PPARGC1A: variants seen among roughly 807,000 people sequenced by gnomAD.
The protein encoded by PPARGC1A is peroxisome proliferator-activated receptor gamma coactivator 1-alpha.
A neutral mutation model predicts 88.7 loss-of-function variants in PPARGC1A; 25 were observed. The observed-to-expected ratio is 0.28, with a 90% CI of 0.21 to 0.39. The LOEUF (loss-of-function observed/expected upper bound fraction) is 0.39, where lower values mean the gene tolerates loss of function less well. PPARGC1A is among the 10% of genes least tolerant of loss of function. The probability of loss-of-function intolerance (pLI) is 1.00; values close to 1 mark genes in which losing one functional copy is unlikely to be tolerated. For missense variants in PPARGC1A, 880 were observed against 968.7 expected, an observed-to-expected ratio of 0.91 and a Z score of 1.22; for synonymous variants, 363 against 355.6, an observed-to-expected ratio of 1.02 and a Z score of -0.24.
chr4:24,285,015 G>A, the PPARGC1A span, among the ~76,000 whole-genome samples: 168 of 151,528 alleles, frequency 1.1e-3, no homozygotes, highest in Middle Eastern at 3.4e-3. Flanking sequence ...GCAACAGGGC[G>A]AGACTGTCTC....
the PPARGC1A span, among the ~76,000 whole-genome samples, chr4:24,155,032 T>G: frequency 6.6e-6 from 1 of 151,984 alleles, no homozygotes; most frequent in Non-Finnish European, 1.5e-5. Context: ...GAGTCTGGGC[T>G]TTGCTCAGGG....
chr4:24,275,130 T>C, the PPARGC1A span, among the ~76,000 whole-genome samples: 1 of 152,372 alleles, frequency 6.6e-6, no homozygotes, highest in African/African-American at 2.4e-5. Flanking sequence ...GTTTCACATA[T>C]GGCCAATATC....
At chr4:24,437,407 G>A in the PPARGC1A span, among the ~76,000 whole-genome samples, 1 of 151,998 alleles carries the variant, frequency 6.6e-6, no homozygotes, top group Non-Finnish European at 1.5e-5. Flanking sequence ...GCTCAGTGCT[G>A]AGGGAACGGG....
the PPARGC1A span, among the ~76,000 whole-genome samples, chr4:24,090,245 T>A: frequency 6.6e-6 from 1 of 152,230 alleles, no homozygotes; most frequent in East Asian, 1.9e-4. Context: ...ACCCACCACA[T>A]GTCATCCTGA....
At chr4:24,131,102 T>A in the PPARGC1A span, among the ~76,000 whole-genome samples, 1 of 152,224 alleles carries the variant, frequency 6.6e-6, no homozygotes, top group African/African-American at 2.4e-5. Flanking sequence ...CTCTTTCTAC[T>A]GAACTGTTGG....
At chr4:24,286,703 T>C in the PPARGC1A span, among the ~76,000 whole-genome samples, 1 of 152,250 alleles carries the variant, frequency 6.6e-6, no homozygotes, top group Non-Finnish European at 1.5e-5. Context: ...TAGTTGTCTA[T>C]TGCTGTGTAA....
chr4:23,875,047 C>A (rs1714409540), intron 2 of PPARGC1A, among the ~76,000 whole-genome samples: 1 of 152,208 alleles, frequency 6.6e-6, no homozygotes, highest in African/African-American at 2.4e-5. Context: ...TGCAAGGGTA[C>A]AAACCTTGAC....
At chr4:24,274,382 A>C in the PPARGC1A span, among the ~76,000 whole-genome samples, 1 of 152,234 alleles carries the variant, frequency 6.6e-6, no homozygotes, top group South Asian at 2.1e-4. Flanking sequence ...GAGGCCAGCA[A>C]ACATTTTCTG....
chr4:23,851,388 T>C (rs7665116), intron 2 of PPARGC1A, among the ~76,000 whole-genome samples: 38,614 of 152,044 alleles, frequency 0.25, 6,850 homozygotes, highest in African/African-American at 0.5. Flanking sequence ...GACAATGCAA[T>C]GGCTATGGAC....
intron 2 of PPARGC1A, chr4:23,882,911 T>C (rs558170523): frequency 2.6e-5 from 4 of 152,206 alleles, no homozygotes; most frequent in African/African-American, 9.6e-5. Context: ...CAGAGAGGCA[T>C]TGACTCCTAT....
At chr4:24,331,296 A>T in the PPARGC1A span, among the ~76,000 whole-genome samples, 6 of 152,110 alleles carry the variant, frequency 3.9e-5, no homozygotes, top group African/African-American at 1.4e-4. Flanking sequence ...CTTAGCTTTC[A>T]ACCTGAGCTG....
chr4:24,364,100 C>T, the PPARGC1A span, among the ~76,000 whole-genome samples: 1 of 152,100 alleles, frequency 6.6e-6, no homozygotes, highest in African/African-American at 2.4e-5. Flanking sequence ...TAACAACTGC[C>T]ACAACTGCAA....
At chr4:24,122,426 T>TAC in the PPARGC1A span, among the ~76,000 whole-genome samples, 2 of 140,754 alleles carry the variant, frequency 1.4e-5, no homozygotes, top group Admixed American at 1.4e-4. Context: ...CATATATATA[T>TAC]ATATATATAT....
the PPARGC1A span, among the ~76,000 whole-genome samples, chr4:24,457,361 T>C: frequency 2.0e-5 from 3 of 152,174 alleles, no homozygotes; most frequent in Non-Finnish European, 4.4e-5. Context: ...AGAATGACCT[T>C]CACTGTGGGG....
At chr4:24,128,895 G>A in the PPARGC1A span, among the ~76,000 whole-genome samples, 2 of 152,190 alleles carry the variant, frequency 1.3e-5, no homozygotes, top group African/African-American at 4.8e-5. Flanking sequence ...AACAATCAAC[G>A]AAGCCTCACC....
At chr4:24,171,814 ATTG>A in the PPARGC1A span, among the ~76,000 whole-genome samples, 3 of 152,226 alleles carry the variant, frequency 2.0e-5, no homozygotes, top group South Asian at 2.1e-4. Context: ...AAGATTGACT[ATTG>A]TTGTGGAAAA....
rs185498762 is a variant in PPARGC1A, at chr4:23,869,346, G to A, written c.234+15406C>T. Among the ~76,000 whole-genome samples the A allele has an allele frequency of 3.9e-5, 6 of 152,280 alleles. No homozygotes were observed. In the South Asian group the frequency reaches 8.3e-4, roughly 21 times the overall value. On this transcript the variant is annotated intron_variant, in intron 2 of 12. Coordinates refer to ENST00000264867, the MANE Select transcript of PPARGC1A (RefSeq NM_013261.5). The stretch of plus-strand genomic sequence containing the variant: ...GGGAGCTGGACTGCTCACAGTGGTC[G>A]AGGAGGGCAGCATTCTTTGAAACTG...
the PPARGC1A span, among the ~76,000 whole-genome samples, chr4:24,175,944 CAG>C: frequency 1.3e-5 from 2 of 152,056 alleles, no homozygotes; most frequent in African/African-American, 2.4e-5. Flanking sequence ...GCCCTGAGCA[CAG>C]AGTCAACTGA....
chr4:24,122,827 G>C, the PPARGC1A span, among the ~76,000 whole-genome samples: 1 of 152,144 alleles, frequency 6.6e-6, no homozygotes, highest in Non-Finnish European at 1.5e-5. Flanking sequence ...TGCCACTAGC[G>C]AGAACAGCCC....
Sources: allele counts gnomAD v4.1 joint callset (sites outside exome capture counted in the v4.1 genomes callset), GRCh38; gene constraint gnomAD v4.1.1; transcripts MANE v1.5; gene names NCBI Gene and HGNC (gene_info 2026-07-23, HGNC 2026-07-21).